The following HIVEP1 variants were observed in gnomAD, a reference collection of about 807,000 sequenced individuals.
The protein encoded by HIVEP1 is HIVEP zinc finger 1.
In HIVEP1, 36 loss-of-function variants were observed where a neutral mutation model predicts 180.0. The ratio of observed to expected loss-of-function variants is 0.20; its 90% confidence interval spans 0.15 to 0.26. The LOEUF is 0.26. Ranked by LOEUF, HIVEP1 falls within the 10% of genes least tolerant of loss-of-function variation. The pLI, the probability that HIVEP1 is intolerant of heterozygous loss-of-function variation, is 1.00. For synonymous variants in HIVEP1, 1,239 were observed against 1,239.0 expected (o/e 1.00, Z 0.00); for missense variants, 3,143 against 3,268.7 (o/e 0.96, Z 0.94).
intron 6 of HIVEP1, among the ~76,000 whole-genome samples, chr6:12,131,439 CATAA>C (rs1435270832): frequency 1.3e-5 from 2 of 149,438 alleles, no homozygotes; most frequent in East Asian, 3.9e-4. Context: ...CTTTTTTTTA[CATAA>C]ATACTGTTAA....
chr6:12,137,883 A>G (rs879875704), intron 7 of HIVEP1, among the ~76,000 whole-genome samples: 4 of 152,238 alleles, frequency 2.6e-5, no homozygotes, highest in Admixed American at 6.5e-5. Flanking sequence ...AAAAAAGTAC[A>G]AAGTATTTTG....
chr6:12,054,304 T>G (rs1020256186), intron 2 of HIVEP1, among the ~76,000 whole-genome samples: 1 of 152,248 alleles, frequency 6.6e-6, no homozygotes, highest in African/African-American at 2.4e-5. Context: ...ATACACTATA[T>G]GTTTGTTTCA....
chr6:12,178,442 A>G, the HIVEP1 span, among the ~76,000 whole-genome samples: 1 of 152,234 alleles, frequency 6.6e-6, no homozygotes, highest in Non-Finnish European at 1.5e-5. Flanking sequence ...ATTTGTTTAA[A>G]TGTAAAAATA....
At chr6:12,152,472 A>G (rs1759763527) in intron 7 of HIVEP1, among the ~76,000 whole-genome samples, 1 of 152,170 alleles carries the variant, frequency 6.6e-6, no homozygotes, top group Non-Finnish European at 1.5e-5. Context: ...TTATGAATCC[A>G]AACAGAGGGC....
At chr6:12,171,013 G>C in the HIVEP1 span, among the ~76,000 whole-genome samples, 1 of 152,148 alleles carries the variant, frequency 6.6e-6, no homozygotes, top group Non-Finnish European at 1.5e-5. Flanking sequence ...TCAGTGTCCA[G>C]AAGATTCAAC....
At chr6:12,145,741 A>G (rs760669526) in intron 7 of HIVEP1, among the ~76,000 whole-genome samples, 3 of 152,196 alleles carry the variant, frequency 2.0e-5, no homozygotes, top group Non-Finnish European at 4.4e-5. Flanking sequence ...AACCACCACC[A>G]GACACTTGTG....
downstream of HIVEP1, among the ~76,000 whole-genome samples, chr6:12,165,791 G>A (rs183346172): frequency 6.6e-6 from 1 of 152,354 alleles, no homozygotes; most frequent in East Asian, 1.9e-4. Context: ...AGCATGGTTT[G>A]CGAGGTGAGA....
chr6:12,013,028 G>T (rs1447687341), intron 1 of HIVEP1, among the ~76,000 whole-genome samples: 2 of 152,126 alleles, frequency 1.3e-5, no homozygotes, highest in Non-Finnish European at 2.9e-5. Flanking sequence ...GGTGCGGGTC[G>T]GCTCGGGCTC....
At chr6:12,136,880 CAAAAG>C (rs1758735807) in intron 7 of HIVEP1, among the ~76,000 whole-genome samples, 1 of 149,578 alleles carries the variant, frequency 6.7e-6, no homozygotes, top group Non-Finnish European at 1.5e-5. Flanking sequence ...GATTTATTGA[CAAAAG>C]AAAAAAAAAA....
At position 12,124,231 on chromosome 6, in the gene HIVEP1, C is replaced by A. The variant is rs1757904112; in HGVS notation, c.4436C>A (p.Ala1479Glu). 1.2e-6 allele frequency: 2 copies of A among 1,614,098 alleles called. No homozygotes were observed. Among genetic ancestry groups the A allele is most frequent in the Non-Finnish European group, 1.7e-6 (2 of 1,180,004 alleles). Residue 1479 changes from alanine (A) to glutamate (E), a missense_variant, in exon 4 of 9, where the codon GCA (alanine) becomes GAA (glutamate). Physicochemically the swap from Ala to Glu is moderately radical, Grantham distance 107. Around this residue, in one of 12 missense-constraint regions of HIVEP1, gnomAD observed 1,357 missense variants for 1,260.5 expected, o/e 1.08. Coordinates refer to ENST00000379388, the MANE Select transcript of HIVEP1 (RefSeq NM_002114.4). ...AGTACATCTTTAGCTGAGTTTTCTGCAAATACTTTGCACTCTCAGACTCAG... is the reference window on the plus strand; with the variant it reads ...AGTACATCTTTAGCTGAGTTTTCTGAAAATACTTTGCACTCTCAGACTCAG... ...LTSTSLAEFS[A>E]NTLHSQTQVK... is the part of the protein sequence containing the mutation.
chr6:12,070,196 CAAT>C (rs1771876505), intron 2 of HIVEP1, among the ~76,000 whole-genome samples: 1 of 152,070 alleles, frequency 6.6e-6, no homozygotes, highest in Middle Eastern at 3.2e-3. Context: ...TCTAAAATGA[CAAT>C]AAAGTATAGT....
intron 5 of HIVEP1, among the ~76,000 whole-genome samples, chr6:12,130,490 A>C: frequency 6.6e-6 from 1 of 152,270 alleles, no homozygotes; most frequent in Non-Finnish European, 1.5e-5. Context: ...TTGAGCTACA[A>C]TCACACCACT....
At chr6:12,060,586 A>G (rs983386629) in intron 2 of HIVEP1, among the ~76,000 whole-genome samples, 10 of 152,220 alleles carry the variant, frequency 6.6e-5, no homozygotes, top group African/African-American at 2.4e-4. Context: ...TTTTTAAGAA[A>G]GCCAAATTAC....
In HIVEP1 at chr6:12,122,124, C is replaced by T; in HGVS notation, c.2329C>T (p.Arg777Ter). Residue 777 changes from arginine to a stop codon, truncating the protein, a stop_gained, in exon 4 of 9, where the codon CGA becomes TGA. Coordinates refer to ENST00000379388, the MANE Select transcript of HIVEP1 (RefSeq NM_002114.4). LOFTEE classifies it high-confidence loss of function. ...VKPRRTSLSRRGSIDSPKSYI... is the reference protein window; with the variant it reads ...VKPRRTSLSR ...GCCGCGGAGAACCTCACTGTCAAGA[C>T]GAGGAAGCATTGATTCCCCCAAATC... 1.9e-6 allele frequency: 3 copies of T among 1,614,184 alleles called. No homozygotes were observed. The highest frequency in any genetic ancestry group is 1.7e-6 in the Non-Finnish European group (2 of 1,180,020).
intron 2 of HIVEP1, among the ~76,000 whole-genome samples, chr6:12,053,193 A>C (rs1483618266): frequency 6.6e-6 from 1 of 152,084 alleles, no homozygotes; most frequent in Admixed American, 6.6e-5. Context: ...CAAGGTATAA[A>C]ATTATTATAA....
At chr6:12,182,144 T>C in the HIVEP1 span, among the ~76,000 whole-genome samples, 1 of 152,160 alleles carries the variant, frequency 6.6e-6, no homozygotes, top group Admixed American at 6.5e-5. Context: ...ATTACAAAGA[T>C]AGCATGAAAA....
chr6:12,132,707 G>T (rs540639082), intron 6 of HIVEP1, among the ~76,000 whole-genome samples: 1 of 152,074 alleles, frequency 6.6e-6, no homozygotes, highest in African/African-American at 2.4e-5. Flanking sequence ...ATCTGAATTT[G>T]CATTAAATTT....
chr6:12,067,693 T>C lies in HIVEP1; in HGVS notation c.41-21491T>C, dbSNP rs1452238532. Among the ~76,000 whole-genome samples the C allele has an allele frequency of 2.0e-5, 3 of 152,082 alleles. No homozygotes were observed. In the East Asian group the frequency reaches 5.8e-4, roughly 29 times the overall value. On this transcript the variant is annotated intron_variant, in intron 2 of 8. Coordinates refer to ENST00000379388, the MANE Select transcript of HIVEP1 (RefSeq NM_002114.4). ...CAGTGGTGAGCAACTCCTGCTTGTG[T>C]CCCCAATTCCTGCCTGTCCTCCCCA...
intron 6 of HIVEP1, 77 bp from the exon 7 acceptor site, chr6:12,135,714 A>G (rs1758667006): frequency 5.6e-6 from 5 of 888,780 alleles, no homozygotes; most frequent in Non-Finnish European, 5.5e-6. Context: ...TTGAATAGGA[A>G]TGAAATTTGC....
Sources: allele counts gnomAD v4.1 joint callset (sites outside exome capture counted in the v4.1 genomes callset), GRCh38; gene constraint gnomAD v4.1.1; regional missense constraint gnomAD v4.1.1; transcripts MANE v1.5; gene names NCBI Gene and HGNC (gene_info 2026-07-23, HGNC 2026-07-21).